The following RALYL variants were observed in gnomAD, a reference collection of about 807,000 sequenced individuals.
RALYL encodes the protein RALY RNA binding protein like, also known as RNA-binding Raly-like protein.
A neutral mutation model predicts 35.1 loss-of-function variants in RALYL; 29 were observed. That is an observed-to-expected ratio of 0.83 (90% CI 0.61 to 1.13). RALYL has a LOEUF of 1.13. Among genes scored for constraint, RALYL ranks in the 50% most tolerant of loss-of-function variants. The pLI is 0.00. For synonymous variants in RALYL, 120 were observed against 127.6 expected, an observed-to-expected ratio of 0.94 and a Z score of 0.40; for missense variants, 359 against 360.4, an observed-to-expected ratio of 1.00 and a Z score of 0.03.
At chr8:84,225,856 T>C (rs1823748180) in intron 1 of RALYL, among the ~76,000 whole-genome samples, 1 of 152,248 alleles carries the variant, frequency 6.6e-6, no homozygotes, top group Non-Finnish European at 1.5e-5. Context: ...TTATTTCTAT[T>C]GTATTATTAT....
chr8:84,352,745 T>C lies in RALYL; in HGVS notation c.-24+168321T>C, dbSNP rs899527301. Among the ~76,000 whole-genome samples, 6 of 150,440 alleles carry C rather than the reference T, an allele frequency of 4.0e-5. No homozygotes were observed. In the East Asian group the frequency reaches 7.8e-4, roughly 19 times the overall value. The stretch of plus-strand genomic sequence containing the variant: ...CATTACAATCCTGTGGGTTAGCTAT[T>C]GTTATCTTCCTTTTTCACATAATGA... On this transcript the variant is annotated intron_variant, in intron 1 of 8. Transcript: ENST00000521268.
At chr8:84,364,810 C>T (rs1009809021) in intron 1 of RALYL, among the ~76,000 whole-genome samples, 1 of 152,038 alleles carries the variant, frequency 6.6e-6, no homozygotes, top group African/African-American at 2.4e-5. Context: ...TTAAGCTTTT[C>T]AATTGTTGCT....
At chr8:84,735,819 A>T (rs940332108) in intron 2 of RALYL, among the ~76,000 whole-genome samples, 104 of 141,214 alleles carry the variant, frequency 7.4e-4, no homozygotes, top group African/African-American at 1.2e-3. Flanking sequence ...CGCGAGAGAG[A>T]GAGAGAGAGA....
At chr8:84,222,647 A>G (rs1822537575) in intron 1 of RALYL, among the ~76,000 whole-genome samples, 1 of 152,178 alleles carries the variant, frequency 6.6e-6, no homozygotes, top group Admixed American at 6.6e-5. Flanking sequence ...ACACTATTCT[A>G]TGGGATTAGG....
At chr8:84,712,012 C>T (rs1159729501) in intron 2 of RALYL, among the ~76,000 whole-genome samples, 1 of 151,886 alleles carries the variant, frequency 6.6e-6, no homozygotes, top group African/African-American at 2.4e-5. Flanking sequence ...TAAGTTTATA[C>T]CAGAAAAAAC....
At position 84,564,657 on chromosome 8, in the gene RALYL, G is replaced by A. The variant is rs199538316; in HGVS notation, c.256+35080G>A. On this transcript the variant is annotated intron_variant, in intron 2 of 8. Transcript: ENST00000521268. The stretch of plus-strand genomic sequence containing the variant: ...TCTCCCTGAATTGTCGGTTACTTTT[G>A]TAAAGAGTAGTGATTTTACAGACAT... Among the ~76,000 whole-genome samples the A allele has an allele frequency of 1.6e-4, 25 of 151,616 alleles. No homozygotes were observed. The South Asian group carries it at 2.3e-3, about 14-fold the overall frequency.
chr8:84,873,559 A>T (rs992538411), intron 7 of RALYL, among the ~76,000 whole-genome samples, 162 bp downstream of exon 7: 3 of 151,906 alleles, frequency 2.0e-5, no homozygotes, highest in African/African-American at 7.3e-5. Flanking sequence ...ATAAAATGTG[A>T]TTTTTTTTCT....
chr8:84,442,599 G>T (rs1381948313), intron 1 of RALYL, among the ~76,000 whole-genome samples: 1 of 152,100 alleles, frequency 6.6e-6, no homozygotes, highest in African/African-American at 2.4e-5. Context: ...GACAGATGTT[G>T]AGTCAATAAT....
intron 1 of RALYL, among the ~76,000 whole-genome samples, chr8:84,283,967 A>G (rs949564969): frequency 1.3e-5 from 2 of 152,184 alleles, no homozygotes; most frequent in Non-Finnish European, 2.9e-5. Context: ...CAGTAAAAAA[A>G]AATGAAAGCT....
At chr8:84,285,703 T>C (rs1390102676) in intron 1 of RALYL, among the ~76,000 whole-genome samples, 1 of 152,066 alleles carries the variant, frequency 6.6e-6, no homozygotes, top group Non-Finnish European at 1.5e-5. Context: ...GGTTCTGGGG[T>C]AAAAGCATGC....
At chr8:84,340,884 A>G (rs1050435011) in intron 1 of RALYL, among the ~76,000 whole-genome samples, 6 of 152,044 alleles carry the variant, frequency 3.9e-5, no homozygotes, top group African/African-American at 1.2e-4. Context: ...GTCTTTTGGA[A>G]TTGCTATACT....
intron 4 of RALYL, among the ~76,000 whole-genome samples, chr8:84,840,482 T>A (rs1192092855): frequency 6.6e-6 from 1 of 152,188 alleles, no homozygotes; most frequent in African/African-American, 2.4e-5. Context: ...AGACCAAATC[T>A]ACGCCTGACT....
chr8:84,358,677 T>A (rs1368307680), intron 1 of RALYL, among the ~76,000 whole-genome samples: 2 of 152,026 alleles, frequency 1.3e-5, no homozygotes, highest in Non-Finnish European at 2.9e-5. Flanking sequence ...CTGAAGTGCA[T>A]ATGTGAGAAG....
intron 2 of RALYL, among the ~76,000 whole-genome samples, chr8:84,735,769 T>C (rs959062443): frequency 1.3e-5 from 2 of 150,384 alleles, no homozygotes; most frequent in Non-Finnish European, 2.9e-5. Flanking sequence ...CTATCAACTA[T>C]GGGTAAAAAA....
intron 1 of RALYL, among the ~76,000 whole-genome samples, chr8:84,475,931 C>G (rs1332575770): frequency 6.6e-6 from 1 of 152,074 alleles, no homozygotes; most frequent in African/African-American, 2.4e-5. Context: ...ATTAATGTTG[C>G]TAAATGATAT....
intron 1 of RALYL, among the ~76,000 whole-genome samples, chr8:84,223,383 C>A (rs149093528): frequency 6.6e-6 from 1 of 152,124 alleles, no homozygotes; most frequent in African/African-American, 2.4e-5. Context: ...GATCACCTGG[C>A]ATGATATGTA....
chr8:84,731,691 G>A (rs2132856709), intron 2 of RALYL, among the ~76,000 whole-genome samples: 1 of 152,076 alleles, frequency 6.6e-6, no homozygotes, highest in Non-Finnish European at 1.5e-5. Flanking sequence ...GTATACTATA[G>A]CCAGGATGAT....
intron 1 of RALYL, among the ~76,000 whole-genome samples, chr8:84,259,513 T>C (rs142497542): frequency 0.019 from 2,892 of 152,236 alleles, 42 homozygotes; most frequent in Non-Finnish European, 0.031. Context: ...ACAGGGATAC[T>C]CAGCATTAAA....
intron 1 of RALYL, among the ~76,000 whole-genome samples, chr8:84,432,286 C>G (rs933834783): frequency 1.3e-5 from 2 of 152,048 alleles, no homozygotes; most frequent in African/African-American, 2.4e-5. Context: ...CAAAGAAAAA[C>G]AAGTACTGCA....
Sources: allele counts gnomAD v4.1 joint callset (sites outside exome capture counted in the v4.1 genomes callset), GRCh38; gene constraint gnomAD v4.1.1; transcripts MANE v1.5; gene names NCBI Gene and HGNC (gene_info 2026-07-23, HGNC 2026-07-21).